FIGN: variants seen among roughly 807,000 people sequenced by gnomAD.
FIGN encodes the protein fidgetin, microtubule severing factor, also known as fidgetin.
In FIGN, 11 loss-of-function variants were observed where a neutral mutation model predicts 51.3. The ratio of observed to expected loss-of-function variants is 0.21; its 90% CI spans 0.13 to 0.35. FIGN has a LOEUF of 0.35. FIGN is among the 10% of genes least tolerant of loss of function. The pLI, the probability that FIGN is intolerant of heterozygous loss-of-function variation, is 1.00. For missense variants in FIGN, 857 were observed against 943.6 expected (o/e 0.91, Z 1.20); for synonymous variants, 407 against 363.2 (o/e 1.12, Z -1.37).
At position 163,610,541 on chromosome 2, in the gene FIGN, C is replaced by T. The variant is rs1343693546; in HGVS notation, c.1291G>A (p.Gly431Arg). ...GAGAGGAGCTGCCTGTGCTCGTCCCCATGCTCACTCATTACTGGCGATGTG... is the reference window on the plus strand; with the variant it reads ...GAGAGGAGCTGCCTGTGCTCGTCCCTATGCTCACTCATTACTGGCGATGTG... ...KYTSPVMSEH[G>R]DEHRQLLSHP... Residue 431 changes from glycine (G) to arginine (R), a missense_variant, in exon 3 of 3, where the codon GGG (glycine) becomes AGG (arginine). Around this residue, in one of 3 missense-constraint regions of FIGN, gnomAD observed 799 missense variants for 849.5 expected, o/e 0.94. Coordinates refer to ENST00000333129, the MANE Select transcript of FIGN (RefSeq NM_018086.4). The T allele has an allele frequency of 1.9e-6, 3 of 1,614,080 alleles. No individual in the cohort carries two copies. Among genetic ancestry groups the T allele is most frequent in the African/African-American group, 2.7e-5 (2 of 74,922 alleles).
intron 2 of FIGN, among the ~76,000 whole-genome samples, chr2:163,718,349 A>G (rs1420797438): frequency 1.3e-5 from 2 of 152,116 alleles, no homozygotes; most frequent in East Asian, 3.9e-4. Flanking sequence ...AACACTTAAC[A>G]TATTTGCTTA....
At chr2:163,711,468 G>A (rs960684052) in intron 2 of FIGN, among the ~76,000 whole-genome samples, 4 of 152,080 alleles carry the variant, frequency 2.6e-5, no homozygotes, top group South Asian at 4.1e-4. Context: ...AGTTGCCAGT[G>A]CCACAATAAC....
At chr2:163,656,639 G>C (rs1430381916) in intron 2 of FIGN, among the ~76,000 whole-genome samples, 1 of 152,124 alleles carries the variant, frequency 6.6e-6, no homozygotes, top group African/African-American at 2.4e-5. Flanking sequence ...GAAATCTATT[G>C]AGGAGTCAGA....
At chr2:163,727,397 A>G (rs935934532) in intron 2 of FIGN, among the ~76,000 whole-genome samples, 1 of 143,558 alleles carries the variant, frequency 7.0e-6, no homozygotes, top group African/African-American at 2.7e-5. Flanking sequence ...AAAAAAAAAA[A>G]TATTCCTAAA....
chr2:163,632,384 A>G (rs1201251848), intron 2 of FIGN, among the ~76,000 whole-genome samples: 1 of 152,116 alleles, frequency 6.6e-6, no homozygotes, highest in African/African-American at 2.4e-5. Context: ...ACTCTCTACC[A>G]TCCCATAGCA....
At chr2:163,687,757 T>C (rs2105343206) in intron 2 of FIGN, among the ~76,000 whole-genome samples, 1 of 152,344 alleles carries the variant, frequency 6.6e-6, no homozygotes, top group South Asian at 2.1e-4. Context: ...CTAATTCATT[T>C]TTCATAATCT....
intron 2 of FIGN, among the ~76,000 whole-genome samples, chr2:163,624,483 G>A (rs1683024275): frequency 6.6e-6 from 1 of 151,268 alleles, no homozygotes; most frequent in Non-Finnish European, 1.5e-5. Flanking sequence ...ATTAGTCAAG[G>A]CAGCCTTTGC....
chr2:163,698,191 G>A (rs987232191), intron 2 of FIGN, among the ~76,000 whole-genome samples: 13 of 152,072 alleles, frequency 8.5e-5, no homozygotes, highest in Admixed American at 3.9e-4. Flanking sequence ...CAACATATAC[G>A]GGTTTTGGTT....
intron 2 of FIGN, among the ~76,000 whole-genome samples, chr2:163,667,543 T>C (rs904522299): frequency 6.6e-6 from 1 of 152,194 alleles, no homozygotes; most frequent in Non-Finnish European, 1.5e-5. Flanking sequence ...TAAGAACAAA[T>C]GTTTGCAGTT....
chr2:163,722,879 A>T (rs114736548), intron 2 of FIGN, among the ~76,000 whole-genome samples: 13,149 of 152,052 alleles, frequency 0.086, 704 homozygotes, highest in Admixed American at 0.12. Flanking sequence ...TTAATTTTTT[A>T]AAATAAGATT....
In FIGN at chr2:163,610,318, G is replaced by A. The variant is rs1166718690; in HGVS notation, c.1514C>T (p.Pro505Leu). 3.1e-6 allele frequency: 5 copies of A among 1,613,984 alleles called. No homozygotes were observed. The African/African-American group carries it at 6.7e-5, about 22-fold the overall frequency. ...ACTGAACGCGTCTGACCTCAACACTGGCCATAAAACCTCCTCTTTAATGAC... is the reference window on the plus strand; with the variant it reads ...ACTGAACGCGTCTGACCTCAACACTAGCCATAAAACCTCCTCTTTAATGAC... Reference protein sequence around the residue: ...KAVIKEEVLWPVLRSDAFSGL... With the variant: ...KAVIKEEVLWLVLRSDAFSGL... The change falls in exon 3 of 3, where the codon CCA becomes CTA. Residue 505 changes from proline to leucine, a missense_variant. Physicochemically the swap from Pro to Leu is moderately conservative, Grantham distance 98. Transcript: ENST00000333129.
intron 2 of FIGN, among the ~76,000 whole-genome samples, chr2:163,620,851 T>TTGTGTGTGTGTG (rs71015594): frequency 0.039 from 5,715 of 147,524 alleles, 171 homozygotes; most frequent in Non-Finnish European, 0.056. Context: ...GTGTAAATAT[T>TTGTGTGTGTGTG]TGTGTGTGTG....
chr2:163,609,280 T>C lies in FIGN; in HGVS notation c.*272A>G, dbSNP rs887634358. The C allele has an allele frequency of 2.4e-6, 1 of 418,436 alleles. No homozygotes were observed. Among genetic ancestry groups the C allele is most frequent in the African/African-American group, 2.0e-5 (1 of 49,952 alleles). 25.9% of individuals were successfully genotyped at this position (418,436 alleles called of 1,614,324 possible). A position where few individuals can be genotyped will look rare whatever the true frequency, so the allele number is the denominator to read the frequency against. ...TCATGTCCTTCTGAAATCAACACACTTGCACCTTGCTCCTTGGTGAGTGTT... is the reference window on the plus strand; with the variant it reads ...TCATGTCCTTCTGAAATCAACACACCTGCACCTTGCTCCTTGGTGAGTGTT... On this transcript the variant is annotated 3_prime_UTR_variant, in exon 3 of 3. Transcript: ENST00000333129.
intron 2 of FIGN, among the ~76,000 whole-genome samples, chr2:163,698,483 A>G (rs542838781): frequency 6.6e-6 from 1 of 152,118 alleles, no homozygotes; most frequent in South Asian, 2.1e-4. Flanking sequence ...GAGACAATGC[A>G]GGTCTTATTT....
chr2:163,702,350 C>A (rs538267220), intron 2 of FIGN, among the ~76,000 whole-genome samples: 1 of 152,296 alleles, frequency 6.6e-6, no homozygotes, highest in East Asian at 1.9e-4. Context: ...TCTGTTCAGA[C>A]ACACTGTTCA....
intron 2 of FIGN, among the ~76,000 whole-genome samples, chr2:163,616,378 A>C (rs1248573393): frequency 6.6e-6 from 1 of 152,218 alleles, no homozygotes; most frequent in African/African-American, 2.4e-5. Context: ...GCATATATTC[A>C]TAGAAATATC....
At chr2:163,706,211 C>G (rs1684497169) in intron 2 of FIGN, among the ~76,000 whole-genome samples, 1 of 152,130 alleles carries the variant, frequency 6.6e-6, no homozygotes, top group South Asian at 2.1e-4. Context: ...ATTTGAACCA[C>G]AAATCATCTA....
At chr2:163,673,735 CA>C (rs1683915772) in intron 2 of FIGN, among the ~76,000 whole-genome samples, 1 of 152,082 alleles carries the variant, frequency 6.6e-6, no homozygotes, top group African/African-American at 2.4e-5. Flanking sequence ...TGGCCCTACA[CA>C]GTGTAGTGTG....
chr2:163,656,761 C>G (rs2105324664), intron 2 of FIGN, among the ~76,000 whole-genome samples: 1 of 152,246 alleles, frequency 6.6e-6, no homozygotes, highest in South Asian at 2.1e-4. Flanking sequence ...GGTGGGAATG[C>G]TTTCTGGAGT....
Sources: allele counts gnomAD v4.1 joint callset (sites outside exome capture counted in the v4.1 genomes callset), GRCh38; gene constraint gnomAD v4.1.1; regional missense constraint gnomAD v4.1.1; transcripts MANE v1.5; gene names NCBI Gene and HGNC (gene_info 2026-07-23, HGNC 2026-07-21).